The following CSMD1 variants were observed in gnomAD, a reference collection of about 807,000 sequenced individuals.
CSMD1 encodes CUB and sushi domain-containing protein 1.
A neutral mutation model predicts 417.5 loss-of-function variants in CSMD1; 213 were observed. The ratio of observed to expected loss-of-function variants is 0.51; its 90% CI spans 0.46 to 0.57. The LOEUF (loss-of-function observed/expected upper bound fraction) is 0.57, where lower values mean the gene tolerates loss of function less well. Among genes scored for constraint, CSMD1 ranks in the 20% least tolerant of loss-of-function variants. The probability of loss-of-function intolerance (pLI) is 0.00; values close to 1 mark genes in which losing one functional copy is unlikely to be tolerated. For missense variants in CSMD1, 6,923 were observed against 4,529.7 expected (o/e 1.53, Z -15.17); for synonymous variants, 2,862 against 1,736.8 (o/e 1.65, Z -16.11).
intron 1 of CSMD1, among the ~76,000 whole-genome samples, chr8:4,761,836 C>CATCTATCTATCTATCT (rs72078338): frequency 8.4e-5 from 10 of 119,190 alleles, no homozygotes; most frequent in East Asian, 2.3e-4. Context: ...TAGTACCATG[C>CATCTATCTATCTATCT]ATCTATCTAT....
At chr8:4,499,940 G>T (rs1021322870) in intron 2 of CSMD1, among the ~76,000 whole-genome samples, 1 of 152,086 alleles carries the variant, frequency 6.6e-6, no homozygotes, top group East Asian at 1.9e-4. Flanking sequence ...AATTATCTAG[G>T]GTAGTATGCA....
At chr8:3,296,926 G>C (rs1357318770) in intron 25 of CSMD1, among the ~76,000 whole-genome samples, 2 of 152,160 alleles carry the variant, frequency 1.3e-5, no homozygotes, top group African/African-American at 2.4e-5. Context: ...TGGAGTTTCA[G>C]AGAGAAGTCA....
At chr8:3,783,914 G>C (rs968160199) in intron 5 of CSMD1, among the ~76,000 whole-genome samples, 2 of 704 alleles carry the variant, frequency 2.8e-3, no homozygotes, top group Non-Finnish European at 0.02. Flanking sequence ...GCTGGAGCTG[G>C]GCTGCAGTTT....
At chr8:4,102,936 A>C (rs747333634) in intron 3 of CSMD1, among the ~76,000 whole-genome samples, 2 of 152,196 alleles carry the variant, frequency 1.3e-5, no homozygotes, top group Non-Finnish European at 2.9e-5. Flanking sequence ...TTACTTTAAA[A>C]ATAAGTGACA....
chr8:4,170,617 C>A (rs1346156496), intron 3 of CSMD1, among the ~76,000 whole-genome samples: 1 of 151,802 alleles, frequency 6.6e-6, no homozygotes, highest in Non-Finnish European at 1.5e-5. Context: ...AACATGAATT[C>A]TGGGTGGAAA....
chr8:3,223,471 C>G (rs1414598587), intron 28 of CSMD1, among the ~76,000 whole-genome samples: 1 of 152,134 alleles, frequency 6.6e-6, no homozygotes, highest in East Asian at 1.9e-4. Context: ...TCTGTTTAAG[C>G]CTTCTCATAT....
At chr8:3,096,705 C>G (rs1381514107) in intron 47 of CSMD1, 144 bp downstream of exon 47, 16 of 620,916 alleles carry the variant, frequency 2.6e-5, no homozygotes, top group Non-Finnish European at 4.1e-5. Flanking sequence ...TGCATAACCC[C>G]AAACTAGTTT....
intron 7 of CSMD1, among the ~76,000 whole-genome samples, chr8:3,705,818 G>A (rs1217809547): frequency 6.6e-6 from 1 of 152,196 alleles, no homozygotes; most frequent in Non-Finnish European, 1.5e-5. Context: ...TGAAGCAGAA[G>A]TGGAGAGACT....
chr8:4,934,871 T>C lies in CSMD1; in HGVS notation c.85+59461A>G, dbSNP rs73511763. 4.0e-3 allele frequency among the ~76,000 whole-genome samples: 615 copies of C among 152,252 alleles called. 3 individuals are homozygous for C. The highest frequency in any genetic ancestry group is 0.014 in the African/African-American group (573 of 41,540). On this transcript the variant is annotated intron_variant, in intron 1 of 69. Transcript: ENST00000635120. ...CAATCAATCATCTAACTATACTACA[T>C]CAATCATGTCTATCTGTATCTATCA... is the stretch of plus-strand genomic sequence containing the variant.
At chr8:4,351,423 G>T (rs1214974256) in intron 3 of CSMD1, among the ~76,000 whole-genome samples, 3 of 152,170 alleles carry the variant, frequency 2.0e-5, no homozygotes, top group African/African-American at 7.2e-5. Context: ...ACCAAGTAAG[G>T]TAAGAAGAGT....
At chr8:4,713,162 C>T (rs1159582170) in intron 1 of CSMD1, among the ~76,000 whole-genome samples, 1 of 152,144 alleles carries the variant, frequency 6.6e-6, no homozygotes, top group Non-Finnish European at 1.5e-5. Context: ...AATGTGTTCC[C>T]CGGGTGGGGA....
At chr8:4,164,189 G>C (rs1229596579) in intron 3 of CSMD1, among the ~76,000 whole-genome samples, 1 of 109,158 alleles carries the variant, frequency 9.2e-6, no homozygotes, top group Admixed American at 9.7e-5. Context: ...ATTAATACAG[G>C]ATTTTTGGAA....
At chr8:3,247,521 C>G (rs1439954852) in intron 26 of CSMD1, among the ~76,000 whole-genome samples, 1 of 152,206 alleles carries the variant, frequency 6.6e-6, no homozygotes. Context: ...CCCTACGAGG[C>G]AAGCTCAGGT....
At chr8:4,871,497 G>T (rs371666886) in intron 1 of CSMD1, among the ~76,000 whole-genome samples, 1 of 152,000 alleles carries the variant, frequency 6.6e-6, no homozygotes, top group Admixed American at 6.5e-5. Context: ...CCCAACGCCC[G>T]TGTATCTGTA....
At chr8:4,760,361 G>T (rs533405375) in intron 1 of CSMD1, among the ~76,000 whole-genome samples, 2 of 152,178 alleles carry the variant, frequency 1.3e-5, no homozygotes, top group South Asian at 4.2e-4. Flanking sequence ...AAGGTGAATC[G>T]AGGACATGTC....
chr8:4,670,350 C>T lies in CSMD1; in HGVS notation c.86-32792G>A, dbSNP rs569086220. Among the ~76,000 whole-genome samples, 9 of 152,098 alleles carry T rather than the reference C, an allele frequency of 5.9e-5. No homozygotes were observed. The East Asian group carries it at 1.7e-3, about 29-fold the overall frequency. ...GACTTTGTCTTATTTATGACCGTGT[C>T]AAGATTGTGGCTAATAATGAAATAC... On this transcript the variant is annotated intron_variant, in intron 1 of 69. Coordinates refer to ENST00000635120, the MANE Select transcript of CSMD1 (RefSeq NM_033225.6).
chr8:2,974,272 C>T (rs917115584), intron 56 of CSMD1, among the ~76,000 whole-genome samples, 179 bp downstream of exon 56: 14 of 152,196 alleles, frequency 9.2e-5, no homozygotes, highest in East Asian at 3.8e-4. Flanking sequence ...ACGATTATTG[C>T]GAAGATGAAG....
At chr8:3,246,905 C>A (rs898351158) in intron 26 of CSMD1, among the ~76,000 whole-genome samples, 1 of 152,172 alleles carries the variant, frequency 6.6e-6, no homozygotes, top group African/African-American at 2.4e-5. Context: ...TTCTTTCTCT[C>A]TTTTTTTGCT....
chr8:3,791,652 C>T (rs887259168), intron 5 of CSMD1, among the ~76,000 whole-genome samples: 6 of 152,034 alleles, frequency 3.9e-5, no homozygotes, highest in Non-Finnish European at 7.4e-5. Flanking sequence ...GGCAAAAACC[C>T]ATCTCTAGAA....
Sources: allele counts gnomAD v4.1 joint callset (sites outside exome capture counted in the v4.1 genomes callset), GRCh38; gene constraint gnomAD v4.1.1; transcripts MANE v1.5; gene names NCBI Gene and HGNC (gene_info 2026-07-23, HGNC 2026-07-21).